NTM: variants seen among roughly 807,000 people sequenced by gnomAD.
NTM encodes the protein IgLON family member 2.
Under a neutral mutation model 42.1 loss-of-function variants are expected in NTM, and 13 were observed. That is an observed-to-expected ratio of 0.31 (90% CI 0.20 to 0.49). The LOEUF (loss-of-function observed/expected upper bound fraction) is 0.49, where lower values mean the gene tolerates loss of function less well. Among genes scored for constraint, NTM ranks in the 20% least tolerant of loss-of-function variants. NTM has a pLI of 0.99. For synonymous variants in NTM, 187 were observed against 179.2 expected (o/e 1.04, Z -0.35); for missense variants, 373 against 452.8 (o/e 0.82, Z 1.60).
intron 1 of NTM, among the ~76,000 whole-genome samples, chr11:131,491,347 C>T (rs1209531215): frequency 6.6e-6 from 1 of 152,018 alleles, no homozygotes; most frequent in Non-Finnish European, 1.5e-5. Flanking sequence ...GAAAATATTA[C>T]AGAAGTGCAT....
intron 1 of NTM, among the ~76,000 whole-genome samples, chr11:131,900,436 C>T (rs2052978358): frequency 6.6e-6 from 1 of 152,172 alleles, no homozygotes; most frequent in Non-Finnish European, 1.5e-5. Context: ...GTGACAAGGT[C>T]AGATTTCAGG....
At chr11:131,882,354 G>T (rs1208727700) in intron 1 of NTM, among the ~76,000 whole-genome samples, 1 of 152,174 alleles carries the variant, frequency 6.6e-6, no homozygotes. Context: ...TTCAAGGCAG[G>T]TTAGTCATTT....
At position 132,137,026 on chromosome 11, in the gene NTM, T is replaced by C. The variant is rs543790246; in HGVS notation, c.168-9256T>C. ...TGTGGCTAATCTATACTGTTCTTCC[T>C]AGTTTGCCTGAATACATCCTGGTTT... On this transcript the variant is annotated intron_variant, in intron 2 of 8. Transcript: ENST00000683400. Among the ~76,000 whole-genome samples the C allele has an allele frequency of 3.3e-5, 5 of 152,356 alleles. No homozygotes were observed. The South Asian group carries it at 1.0e-3, about 32-fold the overall frequency.
chr11:131,804,655 C>G (rs950423940), intron 1 of NTM, among the ~76,000 whole-genome samples: 3 of 152,196 alleles, frequency 2.0e-5, no homozygotes, highest in Non-Finnish European at 4.4e-5. Flanking sequence ...CTCAGCCAAC[C>G]TGACAGCATC....
Position 131,884,418 on chromosome 11 carries a change from A to G in NTM, c.83-27146A>G, listed in dbSNP as rs914650509. Among the ~76,000 whole-genome samples the G allele has an allele frequency of 3.9e-5, 6 of 152,208 alleles. No homozygotes were observed. In the East Asian group the frequency reaches 1.2e-3, roughly 29 times the overall value. ...GAGCAAAACTCCATCTCAAAAAGAA[A>G]AAAAAAGAAAGAAAAAAGAAACAGC... On this transcript the variant is annotated intron_variant, in intron 1 of 8. Coordinates refer to ENST00000683400, the MANE Select transcript of NTM (RefSeq NM_001352005.2).
intron 1 of NTM, among the ~76,000 whole-genome samples, chr11:131,844,457 T>C (rs998593451): frequency 6.6e-6 from 1 of 152,224 alleles, no homozygotes; most frequent in Non-Finnish European, 1.5e-5. Flanking sequence ...TTATTCGTGA[T>C]ACTTTGTTCA....
intron 2 of NTM, among the ~76,000 whole-genome samples, chr11:131,937,867 A>G (rs1456176443): frequency 1.3e-5 from 2 of 152,186 alleles, no homozygotes; most frequent in African/African-American, 4.8e-5. Context: ...AGGGCGGGTA[A>G]AAAATGAGAT....
At chr11:131,858,277 C>A (rs2046300990) in intron 1 of NTM, among the ~76,000 whole-genome samples, 1 of 152,148 alleles carries the variant, frequency 6.6e-6, no homozygotes, top group Admixed American at 6.5e-5. Context: ...CCAGGATGAG[C>A]AAGTTGATTC....
intron 1 of NTM, among the ~76,000 whole-genome samples, chr11:131,810,458 C>T (rs2092690375): frequency 6.6e-6 from 1 of 152,192 alleles, no homozygotes; most frequent in Non-Finnish European, 1.5e-5. Flanking sequence ...GGACAAACCA[C>T]TGTGGACTCT....
chr11:131,401,995 A>G (rs1023973472), intron 1 of NTM, among the ~76,000 whole-genome samples: 1 of 150,838 alleles, frequency 6.6e-6, no homozygotes, highest in African/African-American at 2.4e-5. Context: ...TTGGCAGAAG[A>G]CACCTTGCTC....
At chr11:132,251,092 A>C (rs568857154) in intron 4 of NTM, among the ~76,000 whole-genome samples, 1 of 152,228 alleles carries the variant, frequency 6.6e-6, no homozygotes, top group East Asian at 1.9e-4. Context: ...TAGCCCAGGT[A>C]ATTCAAACCG....
At chr11:131,446,187 C>G (rs1382042163) in intron 1 of NTM, among the ~76,000 whole-genome samples, 1 of 152,306 alleles carries the variant, frequency 6.6e-6, no homozygotes, top group East Asian at 1.9e-4. Flanking sequence ...CTGAGCCCCA[C>G]TTAAGTTTGG....
At chr11:131,450,747 C>T (rs1215676123) in intron 1 of NTM, among the ~76,000 whole-genome samples, 1 of 152,164 alleles carries the variant, frequency 6.6e-6, no homozygotes, top group Non-Finnish European at 1.5e-5. Flanking sequence ...TTATAACTTA[C>T]AATCACTAGT....
chr11:131,524,169 C>G (rs1404372594), intron 1 of NTM, among the ~76,000 whole-genome samples: 1 of 152,168 alleles, frequency 6.6e-6, no homozygotes, highest in Non-Finnish European at 1.5e-5. Flanking sequence ...CTGGGCTGGT[C>G]TAGGGGATCC....
intron 4 of NTM, among the ~76,000 whole-genome samples, chr11:132,241,817 G>A (rs2090250180): frequency 6.6e-6 from 1 of 152,178 alleles, no homozygotes; most frequent in African/African-American, 2.4e-5. Context: ...CTCCAGTCCT[G>A]CTCCCTGATT....
intron 3 of NTM, among the ~76,000 whole-genome samples, chr11:132,161,646 C>G (rs1232096147): frequency 6.6e-6 from 1 of 152,018 alleles, no homozygotes; most frequent in Non-Finnish European, 1.5e-5. Flanking sequence ...TGCTTCCTCT[C>G]CTCTTCCCCT....
intron 2 of NTM, among the ~76,000 whole-genome samples, chr11:131,949,302 A>G (rs535176407): frequency 7.9e-5 from 12 of 152,324 alleles, no homozygotes; most frequent in African/African-American, 1.2e-4. Context: ...TAGTGGTGCA[A>G]TGAGCATGGG....
At chr11:131,393,425 G>A (rs1472099644) in intron 1 of NTM, among the ~76,000 whole-genome samples, 1 of 152,198 alleles carries the variant, frequency 6.6e-6, no homozygotes, top group Non-Finnish European at 1.5e-5. Flanking sequence ...GTAAGGGGAG[G>A]AGGGTCCCAC....
At chr11:131,637,074 T>A (rs2064493517) in intron 1 of NTM, among the ~76,000 whole-genome samples, 1 of 152,082 alleles carries the variant, frequency 6.6e-6, no homozygotes, top group Non-Finnish European at 1.5e-5. Flanking sequence ...AACATCTGCT[T>A]CTTAGTCCAA....
Sources: gnomAD v4.1 joint callset for allele counts (sites outside exome capture counted in the v4.1 genomes callset) on GRCh38, gnomAD v4.1.1 for gene constraint, MANE v1.5 for transcripts, NCBI Gene and HGNC (gene_info 2026-07-23, HGNC 2026-07-21) for gene names.